CSGALNACT1: variants seen among roughly 807,000 people sequenced by gnomAD.
CSGALNACT1 encodes beta4GalNAcT-1.
Under a neutral mutation model 51.0 loss-of-function variants are expected in CSGALNACT1, and 52 were observed. The ratio of observed to expected loss-of-function variants is 1.02; its 90% CI spans 0.82 to 1.29. The LOEUF (loss-of-function observed/expected upper bound fraction) is 1.29. Ranked by LOEUF, CSGALNACT1 falls within the 50% of genes most tolerant of loss-of-function variation. The pLI, the probability that CSGALNACT1 is intolerant of heterozygous loss-of-function variation, is 0.00. For missense variants in CSGALNACT1, 935 were observed against 679.2 expected (o/e 1.38, Z -4.19); for synonymous variants, 341 against 254.4 (o/e 1.34, Z -3.24).
intron 3 of CSGALNACT1, among the ~76,000 whole-genome samples, chr8:19,559,354 C>A (rs56080748): frequency 0.15 from 22,763 of 152,074 alleles, 1,807 homozygotes; most frequent in African/African-American, 0.19. Context: ...ATCTACCATA[C>A]AAAAATACTA....
intron 6 of CSGALNACT1, among the ~76,000 whole-genome samples, chr8:19,434,802 T>C (rs567276318): frequency 6.6e-6 from 1 of 152,000 alleles, no homozygotes; most frequent in South Asian, 2.1e-4. Flanking sequence ...TATTTCATTT[T>C]AGCAAATGAG....
At chr8:19,416,636 C>T (rs1476683324) in intron 8 of CSGALNACT1, among the ~76,000 whole-genome samples, 2 of 152,164 alleles carry the variant, frequency 1.3e-5, no homozygotes, top group Non-Finnish European at 2.9e-5. Context: ...TGTTTAGATA[C>T]TGAATACCAT....
rs191739184 is a variant in CSGALNACT1, at chr8:19,720,210, C to T, written c.-297+37640G>A. Among the ~76,000 whole-genome samples, 66 of 152,326 alleles carry T rather than the reference C, an allele frequency of 4.3e-4. No homozygotes were observed. In the Middle Eastern group the frequency reaches 0.01, roughly 24 times the overall value. On this transcript the variant is annotated intron_variant, in intron 1 of 1. Coordinates refer to the CSGALNACT1 transcript ENST00000517494. ...AGTGAAACCCCGCAATTCATGCCAG[C>T]ATTTTAGGTTTTCCATTACAGGCAG... is the stretch of plus-strand genomic sequence containing the variant.
intron 1 of CSGALNACT1, among the ~76,000 whole-genome samples, chr8:19,747,038 C>T (rs1033181152): frequency 2.6e-5 from 4 of 152,188 alleles, no homozygotes; most frequent in African/African-American, 9.6e-5. Context: ...CAAAGAAGCC[C>T]CTCCTCATGC....
At chr8:19,684,917 G>C (rs930164809), upstream of CSGALNACT1, among the ~76,000 whole-genome samples, 3 of 152,168 alleles carry the variant, frequency 2.0e-5, no homozygotes, top group Non-Finnish European at 4.4e-5. Context: ...AAAAATGTGT[G>C]AATTTCAGGC....
intron 2 of CSGALNACT1, among the ~76,000 whole-genome samples, chr8:19,592,708 C>T (rs565408174): frequency 7.2e-5 from 11 of 152,206 alleles, no homozygotes; most frequent in African/African-American, 2.4e-4. Context: ...GAGCCAAGAT[C>T]GCACCACTGT....
chr8:19,638,161 A>G (rs2056325448), intron 1 of CSGALNACT1, among the ~76,000 whole-genome samples: 1 of 80,190 alleles, frequency 1.2e-5, no homozygotes, highest in African/African-American at 6.2e-5. Flanking sequence ...CCTCCTTTGT[A>G]TTGAAACTCC....
chr8:19,671,588 G>A (rs1172075136), intron 1 of CSGALNACT1, among the ~76,000 whole-genome samples: 2 of 152,142 alleles, frequency 1.3e-5, no homozygotes, highest in East Asian at 3.8e-4. Flanking sequence ...GAGAAAAACA[G>A]ACAAACTTCC....
intron 5 of CSGALNACT1, chr8:19,457,406 A>C (rs762201721): frequency 4.5e-5 from 16 of 355,034 alleles, no homozygotes; most frequent in Non-Finnish European, 8.3e-5. Context: ...TGAGATCAGG[A>C]GTTCAAGACT....
chr8:19,436,785 C>T (rs536841906), intron 6 of CSGALNACT1, among the ~76,000 whole-genome samples: 1 of 152,222 alleles, frequency 6.6e-6, no homozygotes, highest in Non-Finnish European at 1.5e-5. Flanking sequence ...GTGGCACATG[C>T]TTGTAGTCCC....
intron 1 of CSGALNACT1, among the ~76,000 whole-genome samples, chr8:19,720,026 TCCTGGAAG>T (rs2063028922): frequency 6.6e-6 from 1 of 152,192 alleles, no homozygotes; most frequent in East Asian, 1.9e-4. Context: ...CCTTTAGACT[TCCTGGAAG>T]GTGGATGTAA....
In CSGALNACT1 at chr8:19,530,843, C is replaced by A. The variant is rs186586489; in HGVS notation, c.-296-24713G>T. On this transcript the variant is annotated intron_variant, in intron 3 of 9. Coordinates refer to ENST00000454498, the Ensembl canonical transcript of CSGALNACT1. Reference sequence around the variant, plus strand: ...GACTGGTGAGGAAAAAAGAGTCACACGAAATGAGCAACAGAAGTTTTGTTC... The same window carrying A: ...GACTGGTGAGGAAAAAAGAGTCACAAGAAATGAGCAACAGAAGTTTTGTTC... Among the ~76,000 whole-genome samples, 12 of 152,194 alleles carry A rather than the reference C, an allele frequency of 7.9e-5. 1 individual carries two copies. The highest frequency in any genetic ancestry group is 1.5e-4 in the Non-Finnish European group (10 of 68,040).
At chr8:19,629,589 T>A (rs1269688822) in intron 1 of CSGALNACT1, among the ~76,000 whole-genome samples, 3 of 152,232 alleles carry the variant, frequency 2.0e-5, no homozygotes, top group Non-Finnish European at 4.4e-5. Flanking sequence ...GTTATATACA[T>A]TGTTAAACTT....
At chr8:19,718,350 C>T (rs931506393) in intron 1 of CSGALNACT1, among the ~76,000 whole-genome samples, 4 of 152,198 alleles carry the variant, frequency 2.6e-5, no homozygotes, top group Non-Finnish European at 5.9e-5. Context: ...GATCCACCCA[C>T]CTCAGCCTCC....
At chr8:19,724,401 A>G (rs1038419547) in intron 1 of CSGALNACT1, among the ~76,000 whole-genome samples, 1 of 152,182 alleles carries the variant, frequency 6.6e-6, no homozygotes, top group Non-Finnish European at 1.5e-5. Flanking sequence ...TCCTGAATCC[A>G]TCTCCAAAGC....
chr8:19,439,950 G>C lies in CSGALNACT1; in HGVS notation c.852-19C>G. On this transcript the variant is annotated intron_variant, in intron 5 of 9. Transcript: ENST00000454498. ...CATCTCCCTGGAAAACAAAACACAT[G>C]CATGTCTGGCACCTGTTTTCACACT... 3 of 1,588,722 alleles carry C rather than the reference G, an allele frequency of 1.9e-6. No homozygotes were observed. The highest frequency in any genetic ancestry group is 2.6e-6 in the Non-Finnish European group (3 of 1,157,078).
upstream of CSGALNACT1, among the ~76,000 whole-genome samples, chr8:19,686,124 G>A (rs546214697): frequency 5.3e-5 from 8 of 152,246 alleles, no homozygotes; most frequent in East Asian, 9.7e-4. Flanking sequence ...AACCTTGGCC[G>A]ATGGAAATGG....
chr8:19,536,097 G>T (rs1328436687), intron 3 of CSGALNACT1, among the ~76,000 whole-genome samples: 1 of 152,038 alleles, frequency 6.6e-6, no homozygotes, highest in Non-Finnish European at 1.5e-5. Flanking sequence ...AACTCCTTGA[G>T]TAAGTGAGTG....
At chr8:19,729,462 G>A (rs1195473067) in intron 1 of CSGALNACT1, among the ~76,000 whole-genome samples, 2 of 152,182 alleles carry the variant, frequency 1.3e-5, no homozygotes, top group Non-Finnish European at 2.9e-5. Context: ...AGAATGGTCT[G>A]CCTTGTGAAG....
Sources: allele counts gnomAD v4.1 joint callset (sites outside exome capture counted in the v4.1 genomes callset), GRCh38; gene constraint gnomAD v4.1.1; transcripts MANE v1.5; gene names NCBI Gene and HGNC (gene_info 2026-07-23, HGNC 2026-07-21).